Variants in VPS13D observed in about 807,000 individuals in gnomAD.
VPS13D encodes vacuolar protein sorting 13 homolog D.
Under a neutral mutation model 461.9 loss-of-function variants are expected in VPS13D, and 187 were observed. That is an observed-to-expected ratio of 0.40 (90% confidence interval 0.36 to 0.46). The LOEUF (loss-of-function observed/expected upper bound fraction) is 0.46, where lower values mean the gene tolerates loss of function less well. Among genes scored for constraint, VPS13D ranks in the 20% least tolerant of loss-of-function variants. The probability of loss-of-function intolerance (pLI) is 0.60; values close to 1 mark genes in which losing one functional copy is unlikely to be tolerated. For missense variants in VPS13D, 4,711 were observed against 5,364.9 expected, an observed-to-expected ratio of 0.88 and a Z score of 3.81; for synonymous variants, 1,951 against 1,986.3, an observed-to-expected ratio of 0.98 and a Z score of 0.47.
chr1:12,420,048 A>T (rs752765406), intron 65 of VPS13D, among the ~76,000 whole-genome samples: 20 of 152,240 alleles, frequency 1.3e-4, no homozygotes, highest in Non-Finnish European at 2.5e-4. Context: ...TATTTGGCAC[A>T]TGACTGTATT....
At position 12,508,957 on chromosome 1, in the gene VPS13D, T is replaced by C; in HGVS notation, c.13100T>C (p.Leu4367Pro). The C allele has an allele frequency of 6.2e-7, 1 of 1,614,168 alleles. No individual in the cohort carries two copies. The highest frequency in any genetic ancestry group is 8.5e-7 in the Non-Finnish European group (1 of 1,180,024). The change falls in exon 70 of 70, where the codon CTC becomes CCC. Residue 4367 changes from leucine (L) to proline (P), a missense_variant. Physicochemically the swap from Leu to Pro is moderately conservative, Grantham distance 98. Coordinates refer to ENST00000620676, the MANE Select transcript of VPS13D (RefSeq NM_015378.4). ...CAAGAAATAAACTACGCAAAGAGCC[T>C]CTACTATGAACAGCAGCTTATGTTA... ...LSQEINYAKSLYYEQQLMLRL... is the reference protein window; with the variant it reads ...LSQEINYAKSPYYEQQLMLRL...
intron 26 of VPS13D, among the ~76,000 whole-genome samples, chr1:12,306,579 C>G (rs1642570796): frequency 6.6e-6 from 1 of 152,126 alleles, no homozygotes; most frequent in South Asian, 2.1e-4. Context: ...CAGTATATCT[C>G]CTACTGATTT....
At chr1:12,373,600 C>G in intron 54 of VPS13D, 150 bp from the exon 55 acceptor site, 1 of 298,670 alleles carries the variant, frequency 3.3e-6, no homozygotes, top group Non-Finnish European at 6.0e-6. Flanking sequence ...TCTGCTCTTG[C>G]ATCAGACTTT....
chr1:12,329,822 A>G lies in VPS13D; in HGVS notation c.8198-7A>G. 2 of 1,613,860 alleles carry G rather than the reference A, an allele frequency of 1.2e-6. No homozygotes were observed. Among genetic ancestry groups the G allele is most frequent in the Admixed American group, 1.7e-5 (1 of 59,982 alleles). ...TGCCGCTGCAGTAAGGTTTGCTTTC[A>G]TTGCAGGTCTGAATTTTCTTCAGCG... On this transcript the variant is annotated splice_polypyrimidine_tract_variant and splice_region_variant and intron_variant, in intron 36 of 69. Transcript: ENST00000620676.
chr1:12,407,187 A>G (rs995650450), intron 63 of VPS13D: 1 of 152,242 alleles, frequency 6.6e-6, no homozygotes, highest in Non-Finnish European at 1.5e-5. Context: ...GAAATAGGCA[A>G]ATACCCTGCT....
At chr1:12,235,701 A>G (rs561326843) in intron 2 of VPS13D, among the ~76,000 whole-genome samples, 3 of 152,176 alleles carry the variant, frequency 2.0e-5, no homozygotes, top group East Asian at 3.9e-4. Context: ...TTCCTTTCCT[A>G]TTCTCCTGGT....
rs1641631207 is a variant in VPS13D, at chr1:12,276,880, A to G, written c.3292A>G (p.Ser1098Gly). 1 of 1,614,116 alleles carries G rather than the reference A, an allele frequency of 6.2e-7. No homozygotes were observed. Among genetic ancestry groups the G allele is most frequent in the South Asian group, 1.1e-5 (1 of 91,090 alleles). The change falls in exon 19 of 70, where the codon AGT becomes GGT. Residue 1098 changes from serine (S) to glycine (G), a missense_variant. By Grantham distance (56) the Ser-to-Gly change is moderately conservative. Transcript: ENST00000620676. The surrounding 1 kb of genome is among the most constrained non-coding windows in gnomAD (Gnocchi z 4.5). ...SSECPSMNLD[S>G]TLQVISLQVN... ...AGAGTGCCCATCGATGAATTTAGAC[A>G]GTACTCTTCAGGTGATTTCCCTACA...
chr1:12,244,011 G>A (rs1286393686), intron 3 of VPS13D, among the ~76,000 whole-genome samples: 1 of 152,064 alleles, frequency 6.6e-6, no homozygotes, highest in Non-Finnish European at 1.5e-5. Context: ...CTGTTGATGT[G>A]GTAAAGTCTT....
chr1:12,507,968 T>A lies in VPS13D; in HGVS notation c.13035+875T>A, dbSNP rs962633739. ...GGCCTGCCCACCTCTGCTCTCTCTA[T>A]GGATCGGAAATAGCGCCAGCCTTAT... On this transcript the variant is annotated intron_variant, in intron 69 of 69. Transcript: ENST00000620676. The surrounding 1 kb of genome is among the most constrained non-coding windows in gnomAD (Gnocchi z 5.3). 5.9e-5 allele frequency among the ~76,000 whole-genome samples: 9 copies of A among 152,252 alleles called. No homozygotes were observed. Among genetic ancestry groups the A allele is most frequent in the Non-Finnish European group, 1.3e-4 (9 of 68,036 alleles).
chr1:12,492,987 A>G (rs2100527683), intron 67 of VPS13D, among the ~76,000 whole-genome samples: 1 of 152,300 alleles, frequency 6.6e-6, no homozygotes, highest in East Asian at 1.9e-4. Flanking sequence ...CACAAGATTC[A>G]GAACAGCGGC....
chr1:12,363,354 C>A lies in VPS13D; in HGVS notation c.10448+107C>A, dbSNP rs539699890. 2.0e-5 allele frequency: 25 copies of A among 1,251,182 alleles called. No individual in the cohort carries two copies. The East Asian group carries it at 5.4e-4, about 27-fold the overall frequency. 77.5% of individuals were successfully genotyped at this position (1,251,182 alleles called of 1,614,324 possible). On this transcript the variant is annotated intron_variant, in intron 52 of 69. Coordinates refer to ENST00000620676, the MANE Select transcript of VPS13D (RefSeq NM_015378.4). Reference sequence around the variant, plus strand: ...TGGGCACAAATATTTCTGGCTCAGACAGAGGTCTTAGAACTTGCAAAGTCC... The same window carrying A: ...TGGGCACAAATATTTCTGGCTCAGAAAGAGGTCTTAGAACTTGCAAAGTCC...
chr1:12,507,133 C>A lies in VPS13D; in HGVS notation c.13035+40C>A. On this transcript the variant is annotated intron_variant, in intron 69 of 69. Transcript: ENST00000620676. The surrounding 1 kb of genome is among the most constrained non-coding windows in gnomAD (Gnocchi z 5.3). ...GTTCTCAGGCTCCTGAGGGGCGGGG[C>A]CAGGGCCTCGATGCCTCTGCCCTGC... 1 of 1,611,970 alleles carries A rather than the reference C, an allele frequency of 6.2e-7. No individual in the cohort carries two copies. Among genetic ancestry groups the A allele is most frequent in the Non-Finnish European group, 8.5e-7 (1 of 1,178,746 alleles).
rs548340527 is a variant in VPS13D, at chr1:12,418,155, A to G, written c.12333+1328A>G. Among the ~76,000 whole-genome samples, 36 of 152,134 alleles carry G rather than the reference A, an allele frequency of 2.4e-4. No individual in the cohort carries two copies. The East Asian group carries it at 3.1e-3, about 13-fold the overall frequency. ...ACTCCTGACCTCAAGTGATCCACCAACCTCGGCCTTCCAAAGTGCTGGGAT... is the reference window on the plus strand; with the variant it reads ...ACTCCTGACCTCAAGTGATCCACCAGCCTCGGCCTTCCAAAGTGCTGGGAT... On this transcript the variant is annotated intron_variant, in intron 65 of 69. Transcript: ENST00000620676.
At chr1:12,323,630 CT>C (rs1557709353) in intron 34 of VPS13D, 75 bp from the exon 35 acceptor site, 1 of 1,439,598 alleles carries the variant, frequency 6.9e-7, no homozygotes. Context: ...AATTTCTTTT[CT>C]TTTTTTCTAA....
chr1:12,420,276 C>T (rs953561986), intron 65 of VPS13D, among the ~76,000 whole-genome samples: 3 of 152,220 alleles, frequency 2.0e-5, no homozygotes, highest in African/African-American at 2.4e-5. Context: ...TTGAAATCAA[C>T]GTTTAAAGTT....
intron 49 of VPS13D, among the ~76,000 whole-genome samples, chr1:12,358,003 CAA>C (rs77316375): frequency 0.043 from 4,177 of 96,654 alleles, 102 homozygotes; most frequent in African/African-American, 0.091. Flanking sequence ...GATTCCACCT[CAA>C]AAAAAAAAAA....
chr1:12,432,873 G>T (rs940130983), intron 65 of VPS13D, among the ~76,000 whole-genome samples: 1 of 152,180 alleles, frequency 6.6e-6, no homozygotes. Flanking sequence ...GGGATTACAG[G>T]CATGAGCCAC....
Position 12,507,028 on chromosome 1 carries a change from A to G in VPS13D, c.12970A>G (p.Thr4324Ala), listed in dbSNP as rs752597001. Reference protein sequence around the residue: ...KDHGKVYVQVTKKAVSTSSGV... With the variant: ...KDHGKVYVQVAKKAVSTSSGV... ...CCATGGGAAGGTGTATGTGCAGGTG[A>G]CCAAGAAAGCCGTGAGCACGAGCAG... The change falls in exon 69 of 70, where the codon ACC (threonine) becomes GCC (alanine). Residue 4324 changes from threonine to alanine, a missense_variant. Thr to Ala is a moderately conservative substitution (Grantham distance 58). Coordinates refer to ENST00000620676, the MANE Select transcript of VPS13D (RefSeq NM_015378.4). The surrounding 1 kb of genome is among the most constrained non-coding windows in gnomAD (Gnocchi z 5.3). The G allele has an allele frequency of 2.3e-5, 37 of 1,614,136 alleles. No individual in the cohort carries two copies. Among genetic ancestry groups the G allele is most frequent in the Non-Finnish European group, 2.9e-5 (34 of 1,180,050 alleles).
At position 12,276,583 on chromosome 1, in the gene VPS13D, A is replaced by G. The variant is rs374565407; in HGVS notation, c.2995A>G (p.Thr999Ala). 6.8e-6 allele frequency: 11 copies of G among 1,613,876 alleles called. No individual in the cohort carries two copies. Among genetic ancestry groups the G allele is most frequent in the Middle Eastern group, 3.3e-4 (2 of 6,084 alleles). ...KRPYDAEVSL[T>A]VHGLLLVDTM... Reference sequence around the variant, plus strand: ...GCCTTATGATGCTGAAGTCTCCCTAACTGTTCATGGTTTGCTCCTGGTGGA... The same window carrying G: ...GCCTTATGATGCTGAAGTCTCCCTAGCTGTTCATGGTTTGCTCCTGGTGGA... Residue 999 changes from threonine to alanine, a missense_variant, in exon 19 of 70, where the codon ACT (threonine) becomes GCT (alanine). Physicochemically the swap from Thr to Ala is moderately conservative, Grantham distance 58 (BLOSUM62 0). Around this residue, in one of 3 missense-constraint regions of VPS13D, gnomAD observed 4,411 missense variants for 4,937.8 expected, o/e 0.89. Coordinates refer to ENST00000620676, the MANE Select transcript of VPS13D (RefSeq NM_015378.4). This position sits in a 1 kb window ranked among gnomAD's most constrained non-coding sequence, Gnocchi z 4.5.
Sources: allele counts gnomAD v4.1 joint callset (sites outside exome capture counted in the v4.1 genomes callset), GRCh38; gene constraint gnomAD v4.1.1; regional missense constraint gnomAD v4.1.1; non-coding constraint Gnocchi (gnomAD v3.1); transcripts MANE v1.5; gene names NCBI Gene and HGNC (gene_info 2026-07-23, HGNC 2026-07-21).